Variants in FLVCR2 observed in about 807,000 individuals in gnomAD.
The protein encoded by FLVCR2 is choline/ethanolamine transporter FLVCR2.
FLVCR2 carries 38 observed loss-of-function variants against 48.9 expected under a neutral mutation model. The ratio of observed to expected loss-of-function variants is 0.78; its 90% CI spans 0.60 to 1.02. The LOEUF (loss-of-function observed/expected upper bound fraction) is 1.02. Among genes scored for constraint, FLVCR2 ranks in the 50% least tolerant of loss-of-function variants. The pLI, the probability that FLVCR2 is intolerant of heterozygous loss-of-function variation, is 0.00. For missense variants in FLVCR2, 664 were observed against 663.3 expected, an observed-to-expected ratio of 1.00 and a Z score of -0.01; for synonymous variants, 255 against 257.0, an observed-to-expected ratio of 0.99 and a Z score of 0.07.
intron 1 of FLVCR2, among the ~76,000 whole-genome samples, chr14:75,590,471 A>G (rs1304732596): frequency 6.6e-6 from 1 of 152,166 alleles, no homozygotes; most frequent in East Asian, 1.9e-4. Context: ...TATAGTCCTG[A>G]GAGTCTTAAC....
At chr14:75,589,227 C>G (rs1236925832) in intron 1 of FLVCR2, among the ~76,000 whole-genome samples, 1 of 152,010 alleles carries the variant, frequency 6.6e-6, no homozygotes, top group African/African-American at 2.4e-5. Flanking sequence ...CAAAAACATC[C>G]CCCCAAAACT....
chr14:75,643,219 T>G (rs1296881817), intron 9 of FLVCR2, among the ~76,000 whole-genome samples: 3 of 152,252 alleles, frequency 2.0e-5, no homozygotes, highest in African/African-American at 7.2e-5. Context: ...CCATGATTTA[T>G]TTAGCAATTT....
intron 1 of FLVCR2, among the ~76,000 whole-genome samples, chr14:75,615,321 A>T (rs3784004): frequency 0.61 from 93,268 of 152,014 alleles, 31,616 homozygotes; most frequent in Admixed American, 0.76. Flanking sequence ...TGACTAAGAT[A>T]ATTGAGGAAG....
intron 1 of FLVCR2, among the ~76,000 whole-genome samples, chr14:75,588,658 TA>T: frequency 6.6e-6 from 1 of 152,288 alleles, no homozygotes; most frequent in East Asian, 1.9e-4. Context: ...TTTGTATTTT[TA>T]GGAGAGATAG....
At chr14:75,592,140 G>T (rs1888900514) in intron 1 of FLVCR2, among the ~76,000 whole-genome samples, 1 of 151,998 alleles carries the variant, frequency 6.6e-6, no homozygotes, top group South Asian at 2.1e-4. Flanking sequence ...CTGCTCCCAG[G>T]CTTGCTGATA....
Position 75,613,003 on chromosome 14 carries a change from A to T in FLVCR2, c.670-9076A>T, listed in dbSNP as rs576316976. Among the ~76,000 whole-genome samples the T allele has an allele frequency of 2.0e-5, 3 of 152,272 alleles. No homozygotes were observed. The South Asian group carries it at 6.2e-4, about 32-fold the overall frequency. On this transcript the variant is annotated intron_variant, in intron 1 of 9. Coordinates refer to ENST00000238667, the MANE Select transcript of FLVCR2 (RefSeq NM_017791.3). ...AGTATTTATAGCAACAGAATTATGG[A>T]CTGGAGTGTGCAGACTTGCCTAAAT...
intron 1 of FLVCR2, among the ~76,000 whole-genome samples, chr14:75,583,323 G>T (rs889332852): frequency 2.6e-5 from 4 of 152,190 alleles, no homozygotes; most frequent in African/African-American, 9.6e-5. Flanking sequence ...TGAAATGGCG[G>T]AATTGTAGGG....
chr14:75,600,480 C>T (rs1889138055), intron 1 of FLVCR2, among the ~76,000 whole-genome samples: 1 of 152,284 alleles, frequency 6.6e-6, no homozygotes, highest in East Asian at 1.9e-4. Flanking sequence ...TGGACTTCCC[C>T]CAAATTCTTT....
Position 75,625,778 on chromosome 14 carries a change from A to G in FLVCR2, c.952+1026A>G, listed in dbSNP as rs8016897. Among the ~76,000 whole-genome samples the G allele has an allele frequency of 9.4e-3, 1,434 of 152,122 alleles. 57 individuals carry two copies. Among genetic ancestry groups the G allele is most frequent in the African/African-American group, 0.033 (1,367 of 41,340 alleles). On this transcript the variant is annotated intron_variant, in intron 3 of 9. Coordinates refer to ENST00000238667, the MANE Select transcript of FLVCR2 (RefSeq NM_017791.3). ...TATTGTTTTATGTTTTATAACAACA[A>G]TAGTGCTTACTATGTGTCAGGTGCT...
chr14:75,591,806 CTTTTTTTTT>C (rs1163085989), intron 1 of FLVCR2, among the ~76,000 whole-genome samples: 3 of 109,312 alleles, frequency 2.7e-5, no homozygotes, highest in Admixed American at 9.7e-5. Context: ...CTCTTCATTC[CTTTTTTTTT>C]TTTTTTTTTT....
At chr14:75,605,949 G>C (rs1036760630) in intron 1 of FLVCR2, 3 of 363,318 alleles carry the variant, frequency 8.3e-6, no homozygotes, top group African/African-American at 6.2e-5. Context: ...GTAGCTGTCT[G>C]TATGCAAGTC....
At chr14:75,593,152 T>C (rs1231308981) in intron 1 of FLVCR2, among the ~76,000 whole-genome samples, 1 of 152,220 alleles carries the variant, frequency 6.6e-6, no homozygotes, top group Non-Finnish European at 1.5e-5. Flanking sequence ...TCAGGTGTTT[T>C]CTAGCCTATT....
intron 5 of FLVCR2, among the ~76,000 whole-genome samples, chr14:75,637,860 G>T (rs770126830): frequency 3.9e-5 from 6 of 152,114 alleles, no homozygotes; most frequent in Non-Finnish European, 7.4e-5. Flanking sequence ...GGAGAAGAAT[G>T]CAGGTCGAAT....
At chr14:75,601,073 A>G (rs897620663) in intron 1 of FLVCR2, among the ~76,000 whole-genome samples, 1 of 152,252 alleles carries the variant, frequency 6.6e-6, no homozygotes, top group African/African-American at 2.4e-5. Flanking sequence ...AACCCCCAAC[A>G]AAGATTTACC....
At position 75,613,477 on chromosome 14, in the gene FLVCR2, C is replaced by T. The variant is rs193163425; in HGVS notation, c.670-8602C>T. Among the ~76,000 whole-genome samples, 18 of 152,258 alleles carry T rather than the reference C, an allele frequency of 1.2e-4. No individual in the cohort carries two copies. In the East Asian group the frequency reaches 3.5e-3, roughly 29 times the overall value. On this transcript the variant is annotated intron_variant, in intron 1 of 9. Transcript: ENST00000238667. Reference sequence around the variant, plus strand: ...AACCATTCATGAGAAATCTGCCCCCCTGACCCAATCACCTCCCACCAGGCC... The same window carrying T: ...AACCATTCATGAGAAATCTGCCCCCTTGACCCAATCACCTCCCACCAGGCC...
intron 1 of FLVCR2, among the ~76,000 whole-genome samples, chr14:75,590,908 A>C (rs576096213): frequency 2.0e-5 from 3 of 152,206 alleles, no homozygotes; most frequent in Non-Finnish European, 2.9e-5. Flanking sequence ...GGAATAATAC[A>C]CTTGTTTCAG....
intron 1 of FLVCR2, chr14:75,596,063 G>A (rs1325715917): frequency 8.1e-7 from 1 of 1,240,144 alleles, no homozygotes; most frequent in Non-Finnish European, 1.2e-6. Flanking sequence ...GTGTGGTCTT[G>A]TACATTTTGG....
chr14:75,634,941 T>G lies in FLVCR2; in HGVS notation c.1052T>G (p.Leu351Arg). The G allele has an allele frequency of 6.2e-7, 1 of 1,614,008 alleles. No homozygotes were observed. Among genetic ancestry groups the G allele is most frequent in the Non-Finnish European group, 8.5e-7 (1 of 1,179,890 alleles). The change falls in exon 5 of 10, where the codon CTG (leucine) becomes CGG (arginine). Residue 351 changes from leucine (L) to arginine (R), a missense_variant. Transcript: ENST00000238667. ...GEEVNAGRIG[L>R]TIVIAGMLGA... ...GAAGTGAATGCTGGAAGAATTGGCC[T>G]GACGATCGTCATTGCAGGAATGCTT... is the stretch of plus-strand genomic sequence containing the variant.
At position 75,634,979 on chromosome 14, in the gene FLVCR2, T is replaced by C. The variant is rs1175302622; in HGVS notation, c.1090T>C (p.Ser364Pro). 2 of 1,613,808 alleles carry C rather than the reference T, an allele frequency of 1.2e-6. No individual in the cohort carries two copies. The highest frequency in any genetic ancestry group is 1.7e-6 in the Non-Finnish European group (2 of 1,179,812). ...VIAGMLGAVISGIWLDRSKTY... is the reference protein window; with the variant it reads ...VIAGMLGAVIPGIWLDRSKTY... ...TGCAGGAATGCTTGGGGCTGTGATC[T>C]CAGGAATCTGGCTGGATAGGTCCAA... is the stretch of plus-strand genomic sequence containing the variant. The change falls in exon 5 of 10, where the codon TCA (serine) becomes CCA (proline). Residue 364 changes from serine (S) to proline (P), a missense_variant. Coordinates refer to ENST00000238667, the MANE Select transcript of FLVCR2 (RefSeq NM_017791.3).
Sources: gnomAD v4.1 joint callset for allele counts (sites outside exome capture counted in the v4.1 genomes callset) on GRCh38, gnomAD v4.1.1 for gene constraint, MANE v1.5 for transcripts, NCBI Gene and HGNC (gene_info 2026-07-23, HGNC 2026-07-21) for gene names.